The following CDH4 variants were observed in gnomAD, a reference collection of about 807,000 sequenced individuals.
CDH4 encodes cadherin-4.
Under a neutral mutation model 86.0 loss-of-function variants are expected in CDH4, and 33 were observed. The ratio of observed to expected loss-of-function variants is 0.38; its 90% CI spans 0.29 to 0.51. CDH4 has a LOEUF of 0.51. Ranked by LOEUF, CDH4 falls within the 20% of genes least tolerant of loss-of-function variation. The pLI, the probability that CDH4 is intolerant of heterozygous loss-of-function variation, is 0.86. For synonymous variants in CDH4, 555 were observed against 549.4 expected, an observed-to-expected ratio of 1.01 and a Z score of -0.14; for missense variants, 1,114 against 1,307.4, an observed-to-expected ratio of 0.85 and a Z score of 2.28.
intron 2 of CDH4, among the ~76,000 whole-genome samples, chr20:61,257,150 C>G (rs145800150): frequency 6.6e-6 from 1 of 152,140 alleles, no homozygotes; most frequent in African/African-American, 2.4e-5. Context: ...CTTAATTTGA[C>G]GAGTGAAGCT....
At chr20:61,533,353 G>A (rs2085970330) in intron 2 of CDH4, among the ~76,000 whole-genome samples, 2 of 152,224 alleles carry the variant, frequency 1.3e-5, no homozygotes, top group African/African-American at 4.8e-5. Flanking sequence ...GAGCCTGCAG[G>A]GGCCCCTGGT....
At chr20:61,936,633 TCCTACCTC>T in intron 15 of CDH4, 96 bp from the exon 16 acceptor site, 1 of 902,696 alleles carries the variant, frequency 1.1e-6, no homozygotes, top group Non-Finnish European at 1.6e-6. Context: ...TTATGCAACG[TCCTACCTC>T]CCTACCTCTT....
At chr20:61,459,998 AGAGTGAT>A (rs1205545639) in intron 2 of CDH4, among the ~76,000 whole-genome samples, 1 of 152,106 alleles carries the variant, frequency 6.6e-6, no homozygotes, top group Non-Finnish European at 1.5e-5. Flanking sequence ...AACCAATGGC[AGAGTGAT>A]GGGTTGCTGG....
chr20:61,922,798 C>T (rs1280169323), intron 9 of CDH4, among the ~76,000 whole-genome samples: 1 of 152,214 alleles, frequency 6.6e-6, no homozygotes, highest in African/African-American at 2.4e-5. Flanking sequence ...CTCTGTCACC[C>T]AGGCTAGAGT....
chr20:61,537,531 C>T (rs1490762409), intron 2 of CDH4, among the ~76,000 whole-genome samples: 1 of 152,212 alleles, frequency 6.6e-6, no homozygotes, highest in Non-Finnish European at 1.5e-5. Context: ...CCACTTTCTC[C>T]ACGGTAAACA....
At chr20:61,507,277 G>A (rs529604328) in intron 2 of CDH4, among the ~76,000 whole-genome samples, 91 of 152,288 alleles carry the variant, frequency 6.0e-4, no homozygotes, top group African/African-American at 2.0e-3. Context: ...AGAACAAGGC[G>A]CAGCCATCTT....
chr20:61,934,351 T>G (rs2123014595), intron 15 of CDH4, 131 bp downstream of exon 15: 8 of 937,508 alleles, frequency 8.5e-6, no homozygotes, highest in African/African-American at 3.4e-5. Flanking sequence ...CAGACCCGGG[T>G]TCCAGGCCCT....
chr20:61,929,888 G>T, intron 13 of CDH4, 46 bp downstream of exon 13: 1 of 1,480,172 alleles, frequency 6.8e-7, no homozygotes, highest in Non-Finnish European at 9.4e-7. Context: ...TTGTGGGTAT[G>T]AGTGCCCTGT....
At chr20:61,348,515 C>A (rs116313713) in intron 2 of CDH4, among the ~76,000 whole-genome samples, 477 of 152,296 alleles carry the variant, frequency 3.1e-3, no homozygotes, top group African/African-American at 0.011. Context: ...CCTAGAGAGA[C>A]TGAATGCTGC....
chr20:61,671,893 AGGAT>A (rs889697133), intron 2 of CDH4, among the ~76,000 whole-genome samples: 15 of 149,956 alleles, frequency 1.0e-4, no homozygotes, highest in Admixed American at 4.0e-4. Flanking sequence ...GGACAGATGG[AGGAT>A]GGATGGATGG....
At chr20:61,617,269 G>A (rs1465114065) in intron 2 of CDH4, among the ~76,000 whole-genome samples, 1 of 152,192 alleles carries the variant, frequency 6.6e-6, no homozygotes, top group East Asian at 1.9e-4. Context: ...CAGGAGGGCA[G>A]GGACTCCACT....
At chr20:61,671,114 T>C (rs957414800) in intron 2 of CDH4, among the ~76,000 whole-genome samples, 5 of 142,792 alleles carry the variant, frequency 3.5e-5, no homozygotes, top group Admixed American at 2.7e-4. Flanking sequence ...GGATGATGAA[T>C]AGGTGGATGG....
At chr20:61,373,997 C>G (rs1240645812) in intron 2 of CDH4, among the ~76,000 whole-genome samples, 1 of 152,086 alleles carries the variant, frequency 6.6e-6, no homozygotes, top group East Asian at 1.9e-4. Flanking sequence ...TGGGGTGTGG[C>G]TGGCAGTGCG....
intron 2 of CDH4, among the ~76,000 whole-genome samples, chr20:61,574,491 ACC>A (rs1257317815): frequency 6.7e-6 from 1 of 149,926 alleles, no homozygotes; most frequent in Non-Finnish European, 1.5e-5. Context: ...CCTGACCCCC[ACC>A]CCCCTTTCTC....
intron 2 of CDH4, among the ~76,000 whole-genome samples, chr20:61,426,614 A>G (rs2085216786): frequency 6.6e-6 from 1 of 152,208 alleles, no homozygotes; most frequent in African/African-American, 2.4e-5. Context: ...TTGTCACGGA[A>G]ATTCTGCATC....
intron 2 of CDH4, among the ~76,000 whole-genome samples, chr20:61,461,846 T>C (rs1318302947): frequency 6.6e-6 from 1 of 152,248 alleles, no homozygotes; most frequent in East Asian, 1.9e-4. Context: ...AGAGACATTA[T>C]TCAGTGCTTT....
chr20:61,272,334 T>C (rs1178830115), intron 2 of CDH4, among the ~76,000 whole-genome samples: 1 of 152,198 alleles, frequency 6.6e-6, no homozygotes, highest in African/African-American at 2.4e-5. Flanking sequence ...AGGGGCTACT[T>C]CTGAGATAGG....
intron 2 of CDH4, among the ~76,000 whole-genome samples, chr20:61,637,743 G>A (rs761903003): frequency 6.6e-6 from 1 of 152,170 alleles, no homozygotes; most frequent in Non-Finnish European, 1.5e-5. Context: ...AAATATGGCC[G>A]GGTGTGGTGG....
intron 2 of CDH4, among the ~76,000 whole-genome samples, chr20:61,628,142 C>G (rs914366383): frequency 6.6e-6 from 1 of 152,150 alleles, no homozygotes; most frequent in Non-Finnish European, 1.5e-5. Flanking sequence ...ACCCAAGCCC[C>G]GAAGCCCGCA....
Sources: allele counts gnomAD v4.1 joint callset (sites outside exome capture counted in the v4.1 genomes callset), GRCh38; gene constraint gnomAD v4.1.1; transcripts MANE v1.5; gene names NCBI Gene and HGNC (gene_info 2026-07-23, HGNC 2026-07-21).